Variants in SSH2 observed in about 807,000 individuals in gnomAD.
The protein encoded by SSH2 is slingshot protein phosphatase 2.
In SSH2, 37 loss-of-function variants were observed where a neutral mutation model predicts 135.2. That is an observed-to-expected ratio of 0.27 (90% CI 0.21 to 0.36). SSH2 has a LOEUF of 0.36. Among genes scored for constraint, SSH2 ranks in the 10% least tolerant of loss-of-function variants. The pLI is 1.00. For synonymous variants in SSH2, 628 were observed against 646.2 expected (o/e 0.97, Z 0.43); for missense variants, 1,408 against 1,765.3 (o/e 0.80, Z 3.63).
At chr17:29,886,699 A>G (rs1469568191) in intron 1 of SSH2, among the ~76,000 whole-genome samples, 1 of 150,904 alleles carries the variant, frequency 6.6e-6, no homozygotes, top group Admixed American at 6.6e-5. Flanking sequence ...GTGAGCCAAG[A>G]TCATGCCACT....
intron 3 of SSH2, among the ~76,000 whole-genome samples, chr17:29,721,820 G>A (rs900318878): frequency 6.6e-6 from 1 of 152,156 alleles, no homozygotes; most frequent in South Asian, 2.1e-4. Context: ...GCTCTGAAAA[G>A]GGAGACGACC....
In SSH2 at chr17:29,630,823, A is replaced by G; in HGVS notation, c.*18T>C. 6.6e-7 allele frequency: 1 copy of G among 1,515,452 alleles called. No homozygotes were observed. 93.9% of individuals were successfully genotyped at this position (1,515,452 alleles called of 1,614,324 possible). A position where few individuals can be genotyped will look rare whatever the true frequency, so the allele number is the denominator to read the frequency against. ...TTACAAACATTTCTTCTAGAAAGTC[A>G]CATGTGTAGGCTCAGAATCACATGG... On this transcript the variant is annotated 3_prime_UTR_variant, in exon 16 of 16. Transcript: ENST00000540801.
chr17:29,665,949 T>C (rs1343501925), intron 11 of SSH2, among the ~76,000 whole-genome samples: 2 of 152,208 alleles, frequency 1.3e-5, no homozygotes, highest in African/African-American at 4.8e-5. Context: ...TCCAGTAGTC[T>C]CTTGTCTCTC....
chr17:29,704,091 AG>A (rs1194452037), intron 3 of SSH2, among the ~76,000 whole-genome samples: 1 of 152,206 alleles, frequency 6.6e-6, no homozygotes, highest in Non-Finnish European at 1.5e-5. Context: ...TACAGTAAAA[AG>A]CCCTTAATAA....
In SSH2 at chr17:29,783,344, G is replaced by A. The variant is rs1462514463; in HGVS notation, c.188+10550C>T. Among the ~76,000 whole-genome samples, 74 of 144,012 alleles carry A rather than the reference G, an allele frequency of 5.1e-4. 1 individual carries two copies. The highest frequency in any genetic ancestry group is 5.1e-3 in the Admixed American group (73 of 14,252). 94.5% of individuals were successfully genotyped at this position (144,012 alleles called of 152,430 possible). A position where few individuals can be genotyped will look rare whatever the true frequency, so the allele number is the denominator to read the frequency against. On this transcript the variant is annotated intron_variant, in intron 3 of 15. Transcript: ENST00000540801. The stretch of plus-strand genomic sequence containing the variant: ...TATATATATATATATATATGTAAAG[G>A]AGAATTTTTTAAGTATTAACTTACA...
intron 1 of SSH2, chr17:29,882,880 TC>T (rs1171256253): frequency 6.6e-6 from 1 of 152,258 alleles, no homozygotes; most frequent in Non-Finnish European, 1.5e-5. Flanking sequence ...CTCAGGCTGG[TC>T]TTGAACTCCT....
At chr17:29,901,170 C>G (rs544841729) in intron 1 of SSH2, among the ~76,000 whole-genome samples, 18 of 152,094 alleles carry the variant, frequency 1.2e-4, no homozygotes, top group Middle Eastern at 6.8e-3. Context: ...AGGAGATATA[C>G]CTAATGTAAA....
intron 14 of SSH2, among the ~76,000 whole-genome samples, chr17:29,640,233 C>A (rs957241896): frequency 6.6e-5 from 10 of 152,146 alleles, no homozygotes; most frequent in African/African-American, 2.4e-4. Context: ...CACCCGCCAC[C>A]ACGCCTGGCT....
intron 13 of SSH2, among the ~76,000 whole-genome samples, chr17:29,648,895 C>G (rs1246970118): frequency 2.0e-5 from 3 of 152,104 alleles, no homozygotes; most frequent in African/African-American, 7.2e-5. Flanking sequence ...AATCCCAGCA[C>G]TTTGGGAGGC....
chr17:29,921,092 A>C (rs1385186422), intron 1 of SSH2, among the ~76,000 whole-genome samples: 1 of 152,246 alleles, frequency 6.6e-6, no homozygotes, highest in Non-Finnish European at 1.5e-5. Flanking sequence ...TCTAATTTTT[A>C]AAAATGTAAA....
At chr17:29,829,087 T>C (rs1163327011) in intron 2 of SSH2, among the ~76,000 whole-genome samples, 1 of 152,210 alleles carries the variant, frequency 6.6e-6, no homozygotes, top group Non-Finnish European at 1.5e-5. Context: ...TGCTATTCCA[T>C]GAGCCACAAA....
chr17:29,716,158 T>A (rs1462965525), intron 3 of SSH2: 1 of 193,272 alleles, frequency 5.2e-6, no homozygotes, highest in East Asian at 1.5e-4. Flanking sequence ...CAGTGACTAC[T>A]TCTCCTCAGC....
At chr17:29,814,063 G>C (rs1433794182) in intron 2 of SSH2, among the ~76,000 whole-genome samples, 1 of 141,190 alleles carries the variant, frequency 7.1e-6, no homozygotes, top group Non-Finnish European at 1.5e-5. Context: ...CTGGGAGGCG[G>C]AGGTTGCAGT....
At chr17:29,676,790 C>T in intron 8 of SSH2, 30 bp downstream of exon 8, 5 of 1,567,750 alleles carry the variant, frequency 3.2e-6, no homozygotes, top group Non-Finnish European at 4.4e-6. Flanking sequence ...CATTAAAACA[C>T]TTTTGTAGAG....
chr17:29,769,737 T>TA, intron 3 of SSH2, among the ~76,000 whole-genome samples: 1 of 152,284 alleles, frequency 6.6e-6, no homozygotes, highest in East Asian at 1.9e-4. Context: ...ATAAGAAGCC[T>TA]AGATTCTAGG....
chr17:29,844,327 A>G (rs2043094510), intron 2 of SSH2, among the ~76,000 whole-genome samples: 1 of 152,102 alleles, frequency 6.6e-6, no homozygotes, highest in South Asian at 2.1e-4. Context: ...GAAATAAACT[A>G]ATATAACAAA....
chr17:29,725,347 CAAAAAAA>C (rs11449000), intron 3 of SSH2, among the ~76,000 whole-genome samples: 7 of 52,782 alleles, frequency 1.3e-4, no homozygotes, highest in South Asian at 1.2e-3. Context: ...AATCAGTCTC[CAAAAAAA>C]AAAAAAAAAA....
At chr17:29,830,397 T>C (rs1040718553) in intron 2 of SSH2, among the ~76,000 whole-genome samples, 1 of 152,206 alleles carries the variant, frequency 6.6e-6, no homozygotes, top group Non-Finnish European at 1.5e-5. Flanking sequence ...AAGCTTTCCC[T>C]TGACCATGAA....
intron 3 of SSH2, among the ~76,000 whole-genome samples, chr17:29,779,737 G>C (rs1000274776): frequency 7.6e-6 from 1 of 130,880 alleles, no homozygotes; most frequent in Non-Finnish European, 1.5e-5. Context: ...AGAATTGCTT[G>C]AACTCAGAAA....
Sources: allele counts gnomAD v4.1 joint callset (sites outside exome capture counted in the v4.1 genomes callset), GRCh38; gene constraint gnomAD v4.1.1; transcripts MANE v1.5; gene names NCBI Gene and HGNC (gene_info 2026-07-23, HGNC 2026-07-21).